ARHGAP42: variants seen among roughly 807,000 people sequenced by gnomAD.
ARHGAP42 encodes the protein rho GTPase-activating protein 42.
ARHGAP42 carries 63 observed loss-of-function variants against 125.0 expected under a neutral mutation model. That is an observed-to-expected ratio of 0.50 (90% CI 0.41 to 0.62). The LOEUF is 0.62. ARHGAP42 is among the 20% of genes least tolerant of loss of function. ARHGAP42 has a pLI of 0.00. For missense variants in ARHGAP42, 766 were observed against 1,024.2 expected (o/e 0.75, Z 3.44); for synonymous variants, 339 against 351.0 (o/e 0.97, Z 0.38).
intron 4 of ARHGAP42, among the ~76,000 whole-genome samples, chr11:100,908,378 A>T (rs1214432596): frequency 1.3e-5 from 2 of 152,160 alleles, no homozygotes; most frequent in African/African-American, 4.8e-5. Flanking sequence ...CCCAACAGGT[A>T]ATGTTTCATC....
intron 3 of ARHGAP42, among the ~76,000 whole-genome samples, chr11:100,820,293 G>A (rs965251542): frequency 1.3e-5 from 2 of 152,104 alleles, no homozygotes; most frequent in African/African-American, 4.8e-5. Flanking sequence ...AGTCAATGAA[G>A]TCTGAAGTCA....
chr11:100,702,194 A>C (rs1257033951), intron 1 of ARHGAP42, among the ~76,000 whole-genome samples: 1 of 152,182 alleles, frequency 6.6e-6, no homozygotes, highest in African/African-American at 2.4e-5. Flanking sequence ...TCATTTGAAC[A>C]CTTGGAGGCC....
intron 4 of ARHGAP42, among the ~76,000 whole-genome samples, chr11:100,899,702 TTTG>T (rs1866477578): frequency 7.4e-6 from 1 of 135,284 alleles, no homozygotes; most frequent in East Asian, 2.0e-4. Context: ...TTTTGTTTTT[TTTG>T]TTTTGTTTTG....
chr11:100,878,117 A>G (rs140423862), intron 4 of ARHGAP42, among the ~76,000 whole-genome samples: 1 of 147,978 alleles, frequency 6.8e-6, no homozygotes, highest in Non-Finnish European at 1.5e-5. Flanking sequence ...CCAATTTCCT[A>G]TTCCTTCTAT....
chr11:100,822,238 A>G (rs1864420779), intron 3 of ARHGAP42, among the ~76,000 whole-genome samples: 1 of 152,150 alleles, frequency 6.6e-6, no homozygotes. Context: ...TTTGTTGTAA[A>G]TTCATTTACA....
intron 6 of ARHGAP42, among the ~76,000 whole-genome samples, chr11:100,923,054 AT>A (rs1333613752): frequency 2.0e-5 from 3 of 152,208 alleles, no homozygotes; most frequent in African/African-American, 7.2e-5. Context: ...TAAACTTTAT[AT>A]GACCTAGAGA....
chr11:100,979,736 A>G (rs1454887367), intron 22 of ARHGAP42, among the ~76,000 whole-genome samples: 3 of 151,634 alleles, frequency 2.0e-5, no homozygotes, highest in African/African-American at 4.9e-5. Context: ...TAGTACAGGT[A>G]GGAGACACTC....
intron 1 of ARHGAP42, among the ~76,000 whole-genome samples, chr11:100,696,593 G>A (rs1332819398): frequency 1.3e-5 from 2 of 152,168 alleles, no homozygotes; most frequent in East Asian, 3.9e-4. Context: ...GACCTCATAT[G>A]ATCCACCCGC....
At chr11:100,891,735 G>A (rs368948499) in intron 4 of ARHGAP42, among the ~76,000 whole-genome samples, 4 of 152,170 alleles carry the variant, frequency 2.6e-5, no homozygotes, top group Admixed American at 6.5e-5. Flanking sequence ...GAGCCACCAC[G>A]CCCAGCCAAA....
intron 5 of ARHGAP42, among the ~76,000 whole-genome samples, chr11:100,914,663 G>A (rs115621090): frequency 1.3e-5 from 2 of 152,088 alleles, no homozygotes; most frequent in African/African-American, 4.8e-5. Context: ...ATCGGGAACC[G>A]TGAGGTCTCC....
At chr11:100,733,325 G>A (rs1303540099) in intron 1 of ARHGAP42, among the ~76,000 whole-genome samples, 1 of 152,174 alleles carries the variant, frequency 6.6e-6, no homozygotes, top group Non-Finnish European at 1.5e-5. Flanking sequence ...CACATAGTAA[G>A]TGCTTAATAA....
chr11:100,769,005 C>G (rs954516148), intron 1 of ARHGAP42, among the ~76,000 whole-genome samples: 10 of 152,168 alleles, frequency 6.6e-5, no homozygotes, highest in African/African-American at 2.4e-4. Context: ...CACACCTTGT[C>G]TGTATGGTCA....
intron 6 of ARHGAP42, among the ~76,000 whole-genome samples, chr11:100,925,498 G>A (rs1363364556): frequency 6.6e-6 from 1 of 151,984 alleles, no homozygotes; most frequent in Non-Finnish European, 1.5e-5. Flanking sequence ...AGCACTTTGG[G>A]AGGCTGAGGC....
At chr11:100,904,525 G>A (rs1363036776) in intron 4 of ARHGAP42, among the ~76,000 whole-genome samples, 1 of 152,120 alleles carries the variant, frequency 6.6e-6, no homozygotes, top group East Asian at 1.9e-4. Context: ...GGGATTATAG[G>A]CATGAGCCAC....
intron 12 of ARHGAP42, among the ~76,000 whole-genome samples, chr11:100,951,929 C>T (rs1335106741): frequency 3.3e-5 from 5 of 152,090 alleles, no homozygotes; most frequent in Admixed American, 1.3e-4. Context: ...TCAATACAGG[C>T]CTTTCCTGAG....
At chr11:100,688,387 C>CA (rs1332463549) in intron 1 of ARHGAP42, among the ~76,000 whole-genome samples, 4 of 152,156 alleles carry the variant, frequency 2.6e-5, no homozygotes, top group African/African-American at 9.7e-5. Context: ...TTTAACTCTG[C>CA]AAGTTTTCTG....
intron 3 of ARHGAP42, among the ~76,000 whole-genome samples, chr11:100,858,467 A>T (rs558843459): frequency 6.6e-6 from 1 of 152,180 alleles, no homozygotes; most frequent in African/African-American, 2.4e-5. Context: ...TCTAGTTTTT[A>T]TTTTTGTATA....
chr11:100,815,468 T>C (rs151106327), intron 3 of ARHGAP42, among the ~76,000 whole-genome samples: 4 of 152,186 alleles, frequency 2.6e-5, no homozygotes, highest in African/African-American at 9.6e-5. Flanking sequence ...ACTTACAACA[T>C]TTATTTTCCC....
chr11:100,914,478 C>T (rs74530251), intron 5 of ARHGAP42, among the ~76,000 whole-genome samples: 9 of 136,198 alleles, frequency 6.6e-5, no homozygotes, highest in African/African-American at 2.2e-4. Context: ...AATAAATAAA[C>T]AAACAGACTC....
Sources: gnomAD v4.1 joint callset for allele counts (sites outside exome capture counted in the v4.1 genomes callset) on GRCh38, gnomAD v4.1.1 for gene constraint, MANE v1.5 for transcripts, NCBI Gene and HGNC (gene_info 2026-07-23, HGNC 2026-07-21) for gene names.